Variants in BTD observed in about 807,000 individuals in gnomAD.
BTD encodes biotinidase, also known as biocytinase.
BTD carries 13 observed loss-of-function variants against 17.7 expected under a neutral mutation model. That is an observed-to-expected ratio of 0.74 (90% CI 0.48 to 1.17). The LOEUF is 1.17. Ranked by LOEUF, BTD falls within the 50% of genes most tolerant of loss-of-function variation. The pLI is 0.00. For missense variants in BTD, 674 were observed against 650.4 expected (o/e 1.04, Z -0.39); for synonymous variants, 240 against 245.2 (o/e 0.98, Z 0.20).
intron 3 of BTD, chr3:15,676,856 T>C: frequency 4.2e-6 from 3 of 720,794 alleles, no homozygotes; most frequent in Non-Finnish European, 6.6e-6. Flanking sequence ...GTAAAACTAT[T>C]AAAATTGCTT....
chr3:15,715,092 G>A (rs545722011), downstream of BTD, among the ~76,000 whole-genome samples: 13 of 152,186 alleles, frequency 8.5e-5, no homozygotes, highest in African/African-American at 2.9e-4. Flanking sequence ...TTATAGTTAC[G>A]TGTACTAAAT....
intron 1 of BTD, among the ~76,000 whole-genome samples, chr3:15,604,822 AAT>A (rs1334241720): frequency 6.6e-6 from 1 of 152,206 alleles, no homozygotes; most frequent in Non-Finnish European, 1.5e-5. Flanking sequence ...TCCAACTCTG[AAT>A]AAGTTCCTCA....
At position 15,694,636 on chromosome 3, in the gene BTD, T is replaced by C. The variant is rs960905824; in HGVS notation, c.400-15424T>C. 3 of 891,350 alleles carry C rather than the reference T, an allele frequency of 3.4e-6. No homozygotes were observed. In the Admixed American group the frequency reaches 7.1e-5, roughly 21 times the overall value. 55.2% of individuals were successfully genotyped at this position (891,350 alleles called of 1,614,324 possible). A position where few individuals can be genotyped will look rare whatever the true frequency, so the allele number is the denominator to read the frequency against. On this transcript the variant is annotated intron_variant, in intron 3 of 3. Transcript: ENST00000672141. ...TTTTAATTCCATGATAACTATTACATGGACCAAAAGTTTATGGTACTAGTT... is the reference window on the plus strand; with the variant it reads ...TTTTAATTCCATGATAACTATTACACGGACCAAAAGTTTATGGTACTAGTT...
chr3:15,602,355 A>C (rs1304477068), intron 1 of BTD: 2 of 1,001,634 alleles, frequency 2.0e-6, no homozygotes, highest in African/African-American at 3.4e-5. Flanking sequence ...ACTAATCCAT[A>C]TTACTCTCCG....
At chr3:15,700,982 A>C (rs973841060) in intron 3 of BTD, among the ~76,000 whole-genome samples, 1 of 152,200 alleles carries the variant, frequency 6.6e-6, no homozygotes, top group Non-Finnish European at 1.5e-5. Flanking sequence ...TTCAGTGATA[A>C]TTTGTTTGGT....
intron 3 of BTD, chr3:15,696,191 T>G (rs2470549): frequency 1.3e-6 from 2 of 1,591,246 alleles, no homozygotes; most frequent in South Asian, 2.3e-5. Flanking sequence ...CGTTGTATCC[T>G]TGCTTATCAC....
intron 3 of BTD, among the ~76,000 whole-genome samples, chr3:15,691,738 C>T (rs1479559818): frequency 6.6e-6 from 1 of 152,162 alleles, no homozygotes; most frequent in Non-Finnish European, 1.5e-5. Flanking sequence ...TTTAGGATTA[C>T]ATCTAACTTT....
downstream of BTD, among the ~76,000 whole-genome samples, chr3:15,658,691 A>T (rs1386485140): frequency 6.6e-6 from 1 of 152,150 alleles, no homozygotes; most frequent in Non-Finnish European, 1.5e-5. Flanking sequence ...ATGCTACCTT[A>T]TCCCTTTAGT....
At chr3:15,602,250 T>C (rs1559571777) in intron 1 of BTD, 2 of 1,279,320 alleles carry the variant, frequency 1.6e-6, no homozygotes. Context: ...AGATCCTGAA[T>C]CCTGTTTCCT....
At chr3:15,692,974 G>A (rs969455063) in intron 3 of BTD, among the ~76,000 whole-genome samples, 1 of 152,124 alleles carries the variant, frequency 6.6e-6, no homozygotes, top group Admixed American at 6.5e-5. Flanking sequence ...GATGAAACCT[G>A]CTAGATGAAA....
intron 1 of BTD, among the ~76,000 whole-genome samples, chr3:15,634,872 TA>T (rs753159582): frequency 4.6e-5 from 7 of 152,186 alleles, no homozygotes; most frequent in Non-Finnish European, 8.8e-5. Context: ...TTGTGCTGAA[TA>T]AAGGGAGAGT....
chr3:15,675,025 T>C (rs1352881728), intron 3 of BTD, among the ~76,000 whole-genome samples: 1 of 152,004 alleles, frequency 6.6e-6, no homozygotes, highest in African/African-American at 2.4e-5. Context: ...ATCCCAGCAA[T>C]TTGGGAGGCC....
intron 3 of BTD, among the ~76,000 whole-genome samples, chr3:15,709,408 G>C (rs574495307): frequency 1.3e-5 from 2 of 152,056 alleles, no homozygotes; most frequent in African/African-American, 4.8e-5. Flanking sequence ...TTTTGGAGGG[G>C]GGGAAGTGAT....
chr3:15,694,734 C>G, intron 3 of BTD: 1 of 1,612,310 alleles, frequency 6.2e-7, no homozygotes, highest in Non-Finnish European at 8.5e-7. Flanking sequence ...GAAGGCAGTA[C>G]TCACAGCCAA....
At chr3:15,679,799 G>A (rs1337883932) in intron 3 of BTD, among the ~76,000 whole-genome samples, 8 of 151,924 alleles carry the variant, frequency 5.3e-5, no homozygotes, top group Admixed American at 5.2e-4. Flanking sequence ...TGTATCCGTG[G>A]GTTCTGCATC....
intron 3 of BTD, among the ~76,000 whole-genome samples, chr3:15,661,134 T>C (rs6772763): frequency 0.56 from 84,037 of 151,106 alleles, 23,792 homozygotes; most frequent in East Asian, 0.77. Flanking sequence ...GGCGTGGTGG[T>C]GCATGCCTGT....
chr3:15,718,929 C>T (rs2073388089), intron 4 of BTD, among the ~76,000 whole-genome samples: 1 of 152,158 alleles, frequency 6.6e-6, no homozygotes, highest in Admixed American at 6.5e-5. Context: ...TTTCTCCTCA[C>T]AACTGTCTAG....
intron 3 of BTD, among the ~76,000 whole-genome samples, chr3:15,665,211 G>C (rs2065965021): frequency 6.6e-6 from 1 of 152,144 alleles, no homozygotes; most frequent in Non-Finnish European, 1.5e-5. Flanking sequence ...GCTGGAGAGG[G>C]AGAGATGGAG....
chr3:15,709,834 GATAA>G (rs2071980740), intron 3 of BTD: 1 of 675,858 alleles, frequency 1.5e-6, no homozygotes, highest in African/African-American at 1.9e-5. Context: ...TTTATATGAA[GATAA>G]ATGTGACAAA....
Sources: gnomAD v4.1 joint callset for allele counts (sites outside exome capture counted in the v4.1 genomes callset) on GRCh38, gnomAD v4.1.1 for gene constraint, MANE v1.5 for transcripts, NCBI Gene and HGNC (gene_info 2026-07-23, HGNC 2026-07-21) for gene names.